The following CSMD1 variants were observed in gnomAD, a reference collection of about 807,000 sequenced individuals.
CSMD1 encodes the protein CUB and sushi domain-containing protein 1.
A neutral mutation model predicts 417.5 loss-of-function variants in CSMD1; 213 were observed. That is an observed-to-expected ratio of 0.51 (90% CI 0.46 to 0.57). CSMD1 has a LOEUF of 0.57. Ranked by LOEUF, CSMD1 falls within the 20% of genes least tolerant of loss-of-function variation. The pLI is 0.00. For missense variants in CSMD1, 6,923 were observed against 4,529.7 expected, an observed-to-expected ratio of 1.53 and a Z score of -15.17; for synonymous variants, 2,862 against 1,736.8, an observed-to-expected ratio of 1.65 and a Z score of -16.11.
chr8:4,093,758 C>A (rs1381321087), intron 3 of CSMD1, among the ~76,000 whole-genome samples: 1 of 152,040 alleles, frequency 6.6e-6, no homozygotes, highest in African/African-American at 2.4e-5. Flanking sequence ...GTCAGGAGTT[C>A]AAGACCAGCT....
At chr8:4,815,037 T>C (rs1229556247) in intron 1 of CSMD1, among the ~76,000 whole-genome samples, 1 of 152,160 alleles carries the variant, frequency 6.6e-6, no homozygotes, top group Non-Finnish European at 1.5e-5. Flanking sequence ...TAAATTTCCT[T>C]CTGAATTATG....
chr8:3,478,180 G>A (rs1318137558), intron 11 of CSMD1, among the ~76,000 whole-genome samples: 1 of 152,172 alleles, frequency 6.6e-6, no homozygotes, highest in Non-Finnish European at 1.5e-5. Flanking sequence ...CACAGAAGAT[G>A]ATGTGACTTA....
chr8:4,069,358 C>A (rs1424886016), intron 3 of CSMD1, among the ~76,000 whole-genome samples: 1 of 152,114 alleles, frequency 6.6e-6, no homozygotes, highest in Non-Finnish European at 1.5e-5. Flanking sequence ...GTAGTTGAAC[C>A]ACTGGTGATT....
intron 1 of CSMD1, among the ~76,000 whole-genome samples, chr8:4,812,611 A>T (rs1280999888): frequency 6.6e-6 from 1 of 152,160 alleles, no homozygotes; most frequent in Non-Finnish European, 1.5e-5. Context: ...TTTTAAAAAA[A>T]CCTACATACA....
At chr8:3,762,031 C>G (rs183008986) in intron 5 of CSMD1, among the ~76,000 whole-genome samples, 1 of 152,080 alleles carries the variant, frequency 6.6e-6, no homozygotes, top group Non-Finnish European at 1.5e-5. Flanking sequence ...TAGCTTTTTC[C>G]TTGTGCCCTC....
intron 2 of CSMD1, among the ~76,000 whole-genome samples, chr8:4,574,797 C>T (rs1411740916): frequency 6.6e-6 from 1 of 152,164 alleles, no homozygotes; most frequent in Non-Finnish European, 1.5e-5. Context: ...TCTGCATTTG[C>T]CATCCAATAT....
At chr8:3,089,107 G>A (rs116319140) in intron 48 of CSMD1, among the ~76,000 whole-genome samples, 4 of 152,178 alleles carry the variant, frequency 2.6e-5, no homozygotes, top group Non-Finnish European at 4.4e-5. Context: ...AATACAAAGA[G>A]AGACTGGAGC....
At position 4,038,782 on chromosome 8, in the gene CSMD1, G is replaced by C. The variant is rs540458193; in HGVS notation, c.416-6683C>G. ...TAACGTGAAAGGATTTCTTGAAAGAGCTCTGGGCACAGTTGTTTTCTCTCA... is the reference window on the plus strand; with the variant it reads ...TAACGTGAAAGGATTTCTTGAAAGACCTCTGGGCACAGTTGTTTTCTCTCA... On this transcript the variant is annotated intron_variant, in intron 3 of 69. Coordinates refer to ENST00000635120, the MANE Select transcript of CSMD1 (RefSeq NM_033225.6). Among the ~76,000 whole-genome samples, 6 of 152,322 alleles carry C rather than the reference G, an allele frequency of 3.9e-5. No individual in the cohort carries two copies. In the South Asian group the frequency reaches 6.2e-4, roughly 16 times the overall value.
At chr8:4,294,809 A>C (rs1797570880) in intron 3 of CSMD1, among the ~76,000 whole-genome samples, 1 of 151,978 alleles carries the variant, frequency 6.6e-6, no homozygotes, top group Non-Finnish European at 1.5e-5. Flanking sequence ...AAAAGTGCTT[A>C]CTTTTCAACC....
rs143066821 is a variant in CSMD1, at chr8:4,758,671, G to C, written c.86-121113C>G. On this transcript the variant is annotated intron_variant, in intron 1 of 69. Coordinates refer to ENST00000635120, the MANE Select transcript of CSMD1 (RefSeq NM_033225.6). Reference sequence around the variant, plus strand: ...AGGAAACTTACAATCATGGCAAAAGGAATAGTGGACACATCTTACATGGCA... The same window carrying C: ...AGGAAACTTACAATCATGGCAAAAGCAATAGTGGACACATCTTACATGGCA... Among the ~76,000 whole-genome samples the C allele has an allele frequency of 5.3e-4, 80 of 152,276 alleles. 1 individual carries two copies. In the East Asian group the frequency reaches 0.015, roughly 29 times the overall value.
intron 41 of CSMD1, among the ~76,000 whole-genome samples, chr8:3,120,975 C>G (rs1235219916): frequency 6.6e-6 from 1 of 151,492 alleles, no homozygotes; most frequent in Non-Finnish European, 1.5e-5. Flanking sequence ...TAATATTAAA[C>G]CTAGTAATAC....
chr8:3,553,564 T>C (rs1006003211), intron 10 of CSMD1, among the ~76,000 whole-genome samples: 9 of 152,200 alleles, frequency 5.9e-5, no homozygotes, highest in African/African-American at 1.4e-4. Flanking sequence ...ATCCAACAAT[T>C]ACAGCTCTAC....
intron 55 of CSMD1, among the ~76,000 whole-genome samples, chr8:2,976,160 A>C (rs1350543834): frequency 6.6e-6 from 1 of 152,006 alleles, no homozygotes; most frequent in Non-Finnish European, 1.5e-5. Flanking sequence ...TGAATTGTTG[A>C]AGTTAGAATT....
intron 5 of CSMD1, among the ~76,000 whole-genome samples, chr8:3,983,594 T>G (rs1814077220): frequency 6.6e-6 from 1 of 152,234 alleles, no homozygotes; most frequent in African/African-American, 2.4e-5. Flanking sequence ...TATTTTATTT[T>G]TTCATAAACC....
intron 1 of CSMD1, among the ~76,000 whole-genome samples, chr8:4,704,343 C>T (rs1807782213): frequency 6.6e-6 from 1 of 152,198 alleles, no homozygotes; most frequent in African/African-American, 2.4e-5. Context: ...AATCAGTTGT[C>T]TGGGACTTGA....
chr8:2,998,003 G>C lies in CSMD1; in HGVS notation c.8377+8C>G, dbSNP rs1807064688. ...AGCAAAGGGCTCATTCCTGGATGCTGTTCCTACCTCGACACGTGGGCAGAG... is the reference window on the plus strand; with the variant it reads ...AGCAAAGGGCTCATTCCTGGATGCTCTTCCTACCTCGACACGTGGGCAGAG... On this transcript the variant is annotated splice_region_variant and intron_variant, in intron 54 of 69. Coordinates refer to ENST00000635120, the MANE Select transcript of CSMD1 (RefSeq NM_033225.6). 3 of 1,612,230 alleles carry C rather than the reference G, an allele frequency of 1.9e-6. No homozygotes were observed. The highest frequency in any genetic ancestry group is 2.7e-5 in the African/African-American group (2 of 74,920).
chr8:4,009,639 C>T (rs1585125561), intron 4 of CSMD1, among the ~76,000 whole-genome samples: 1 of 152,112 alleles, frequency 6.6e-6, no homozygotes. Flanking sequence ...ATAAGAAATA[C>T]ACCCACATAT....
At chr8:2,992,430 GC>G (rs1461767067) in intron 54 of CSMD1, among the ~76,000 whole-genome samples, 8 of 151,652 alleles carry the variant, frequency 5.3e-5, no homozygotes, top group African/African-American at 1.9e-4. Flanking sequence ...TGTTGTTGTT[GC>G]TGTTTTTTTT....
intron 1 of CSMD1, among the ~76,000 whole-genome samples, chr8:4,972,040 G>A (rs1330134274): frequency 6.6e-6 from 1 of 151,948 alleles, no homozygotes; most frequent in Non-Finnish European, 1.5e-5. Flanking sequence ...AGAAGTTTAG[G>A]GAAAAAGCCA....
Sources: allele counts gnomAD v4.1 joint callset (sites outside exome capture counted in the v4.1 genomes callset), GRCh38; gene constraint gnomAD v4.1.1; transcripts MANE v1.5; gene names NCBI Gene and HGNC (gene_info 2026-07-23, HGNC 2026-07-21).